The following XIRP2 variants were observed in gnomAD, a reference collection of about 807,000 sequenced individuals.
The protein encoded by XIRP2 is xin actin binding repeat containing 2.
In XIRP2, 236 loss-of-function variants were observed where a neutral mutation model predicts 277.0. The observed-to-expected ratio is 0.85, with a 90% CI of 0.77 to 0.95. The LOEUF (loss-of-function observed/expected upper bound fraction) is 0.95, where lower values mean the gene tolerates loss of function less well. Among genes scored for constraint, XIRP2 ranks in the 40% least tolerant of loss-of-function variants. The pLI is 0.00. For missense variants in XIRP2, 4,640 were observed against 4,157.5 expected (o/e 1.12, Z -3.19); for synonymous variants, 1,490 against 1,416.5 (o/e 1.05, Z -1.17).
intron 2 of XIRP2, among the ~76,000 whole-genome samples, chr2:166,906,676 C>T (rs1478841436): frequency 2.6e-5 from 4 of 151,964 alleles, no homozygotes; most frequent in African/African-American, 9.7e-5. Flanking sequence ...TCTCAAAAGG[C>T]CAGGCACAGT....
chr2:166,912,334 T>C lies in XIRP2; in HGVS notation c.408+8444T>C, dbSNP rs868250457. Among the ~76,000 whole-genome samples the C allele has an allele frequency of 4.6e-5, 7 of 152,208 alleles. No homozygotes were observed. The South Asian group carries it at 6.2e-4, about 14-fold the overall frequency. On this transcript the variant is annotated intron_variant, in intron 2 of 10. Transcript: ENST00000409195. ...TTTTACTCTTTTTTCTCTAAACTTC[T>C]CTTCTCGCTTCATTTCATTCATTTG... is the stretch of plus-strand genomic sequence containing the variant.
At chr2:167,108,508 T>A (rs1574261964) in intron 2 of XIRP2, among the ~76,000 whole-genome samples, 1 of 152,072 alleles carries the variant, frequency 6.6e-6, no homozygotes, top group African/African-American at 2.4e-5. Context: ...TTAGCTGTTA[T>A]TTCAGAAATT....
At chr2:167,074,275 A>T (rs1033463358) in intron 2 of XIRP2, among the ~76,000 whole-genome samples, 2 of 152,062 alleles carry the variant, frequency 1.3e-5, no homozygotes, top group South Asian at 2.2e-4. Context: ...ACATATATTT[A>T]ATTAATGCTA....
rs183138655 is a variant in XIRP2, at chr2:167,112,525, C to A, written c.409-23384C>A. ...TATTTTTCTTCCTCTGTCTCTCTCTCTATATATATATACCAGATATTTATA... is the reference window on the plus strand; with the variant it reads ...TATTTTTCTTCCTCTGTCTCTCTCTATATATATATATACCAGATATTTATA... On this transcript the variant is annotated intron_variant, in intron 2 of 10. Transcript: ENST00000409195. Among the ~76,000 whole-genome samples, 715 of 147,840 alleles carry A rather than the reference C, an allele frequency of 4.8e-3. 5 individuals are homozygous for A. The highest frequency in any genetic ancestry group is 0.014 in the African/African-American group (562 of 40,606).
In XIRP2 at chr2:167,074,604, C is replaced by CTG. The variant is rs199933269; in HGVS notation, c.409-61288_409-61287dup. On this transcript the variant is annotated intron_variant, in intron 2 of 10. Transcript: ENST00000409195. ...AAGCATCAGAAGTCCTGGTTTCTTT[C>CTG]TGTGTGTGTGTGTGTGTGCATGTGT... Among the ~76,000 whole-genome samples the CTG allele has an allele frequency of 5.4e-3, 796 of 147,572 alleles. 33 individuals are homozygous for CTG. In the East Asian group the frequency reaches 0.096, roughly 18 times the overall value.
chr2:167,121,826 G>T (rs932905429), intron 2 of XIRP2, among the ~76,000 whole-genome samples: 3 of 152,118 alleles, frequency 2.0e-5, no homozygotes, highest in African/African-American at 7.2e-5. Context: ...ATCTCATGGG[G>T]AATTTATGTT....
intron 2 of XIRP2, among the ~76,000 whole-genome samples, chr2:167,028,628 T>C (rs1431718635): frequency 6.6e-6 from 1 of 151,868 alleles, no homozygotes; most frequent in Non-Finnish European, 1.5e-5. Context: ...AAGACTACAA[T>C]AAATACCTAA....
intron 5 of XIRP2, among the ~76,000 whole-genome samples, chr2:167,218,939 A>G (rs1694337454): frequency 6.6e-6 from 1 of 152,120 alleles, no homozygotes; most frequent in Admixed American, 6.6e-5. Flanking sequence ...GACTTTGAAA[A>G]ATGTTAATAG....
intron 2 of XIRP2, among the ~76,000 whole-genome samples, chr2:166,918,799 G>T (rs1684957990): frequency 6.6e-6 from 1 of 152,108 alleles, no homozygotes; most frequent in African/African-American, 2.4e-5. Flanking sequence ...TATTCCTTTT[G>T]TGGGGAAATG....
At chr2:166,913,056 C>T (rs1032888311) in intron 2 of XIRP2, among the ~76,000 whole-genome samples, 1 of 152,294 alleles carries the variant, frequency 6.6e-6, no homozygotes, top group Admixed American at 6.5e-5. Flanking sequence ...GGGTCAGGGA[C>T]CCACTTGAGG....
intron 2 of XIRP2, among the ~76,000 whole-genome samples, chr2:166,942,477 G>A (rs964062423): frequency 4.6e-5 from 7 of 152,188 alleles, no homozygotes; most frequent in African/African-American, 1.7e-4. Flanking sequence ...TTGCAACTGC[G>A]GGCAGTCCAA....
intron 2 of XIRP2, among the ~76,000 whole-genome samples, chr2:166,986,512 A>G (rs759799045): frequency 1.3e-5 from 2 of 152,252 alleles, no homozygotes; most frequent in African/African-American, 4.8e-5. Context: ...ATATGTCAAA[A>G]GTGAAGAACA....
At chr2:167,113,777 A>G (rs531550825) in intron 2 of XIRP2, among the ~76,000 whole-genome samples, 1 of 152,160 alleles carries the variant, frequency 6.6e-6, no homozygotes, top group South Asian at 2.1e-4. Context: ...GTCTGGTAAC[A>G]GTCTTTACTT....
At chr2:167,107,393 A>G (rs1277108321) in intron 2 of XIRP2, among the ~76,000 whole-genome samples, 1 of 151,758 alleles carries the variant, frequency 6.6e-6, no homozygotes, top group Non-Finnish European at 1.5e-5. Flanking sequence ...TCTACTCTTC[A>G]AATAATTTTA....
At chr2:167,028,631 A>G (rs1344791350) in intron 2 of XIRP2, among the ~76,000 whole-genome samples, 1 of 152,014 alleles carries the variant, frequency 6.6e-6, no homozygotes, top group Non-Finnish European at 1.5e-5. Context: ...ACTACAATAA[A>G]TACCTAACTC....
At chr2:166,888,649 CCTCT>C (rs961769420) in intron 1 of XIRP2, 92 bp downstream of exon 1, 1 of 152,114 alleles carries the variant, frequency 6.6e-6, no homozygotes, top group African/African-American at 2.4e-5. Flanking sequence ...CACTATTTTG[CCTCT>C]CTCTCCCTAT....
chr2:167,020,524 A>G (rs1395713677), intron 2 of XIRP2, among the ~76,000 whole-genome samples: 1 of 151,988 alleles, frequency 6.6e-6, no homozygotes, highest in Non-Finnish European at 1.5e-5. Flanking sequence ...CTCAATATCA[A>G]ACTCTTCTAT....
In XIRP2 at chr2:167,247,976, C is replaced by G. The variant is rs1695333759; in HGVS notation, c.6584C>G (p.Ser2195Cys). 1.2e-6 allele frequency: 2 copies of G among 1,611,020 alleles called. No homozygotes were observed. The highest frequency in any genetic ancestry group is 1.7e-6 in the Non-Finnish European group (2 of 1,179,146). The change falls in exon 9 of 11, where the codon TCT becomes TGT. Residue 2195 changes from serine to cysteine, a missense_variant. Physicochemically the swap from Ser to Cys is moderately radical, Grantham distance 112 (BLOSUM62 -1). Coordinates refer to ENST00000409195, the MANE Select transcript of XIRP2 (RefSeq NM_152381.6). Reference protein sequence around the residue: ...QTLLKQETKYSNKDIKKKNIN... With the variant: ...QTLLKQETKYCNKDIKKKNIN... Reference sequence around the variant, plus strand: ...TTGTTAAAGCAAGAAACAAAATATTCTAATAAGGATATAAAGAAAAAGAAT... The same window carrying G: ...TTGTTAAAGCAAGAAACAAAATATTGTAATAAGGATATAAAGAAAAAGAAT...
chr2:167,063,738 T>C (rs914889014), intron 2 of XIRP2, among the ~76,000 whole-genome samples: 1 of 151,798 alleles, frequency 6.6e-6, no homozygotes, highest in Admixed American at 6.6e-5. Flanking sequence ...TTAATATAGG[T>C]ATTTTAATTT....
Sources: gnomAD v4.1 joint callset for allele counts (sites outside exome capture counted in the v4.1 genomes callset) on GRCh38, gnomAD v4.1.1 for gene constraint, MANE v1.5 for transcripts, NCBI Gene and HGNC (gene_info 2026-07-23, HGNC 2026-07-21) for gene names.